Variants in PUDP observed in about 807,000 individuals in gnomAD.
PUDP encodes pseudouridine 5'-phosphatase, also known as pseudouridine-5'-phosphatase.
A neutral mutation model predicts 9.4 loss-of-function variants in PUDP; 8 were observed. That is an observed-to-expected ratio of 0.85 (90% CI 0.50 to 1.53). The LOEUF (loss-of-function observed/expected upper bound fraction) is 1.53. Ranked by LOEUF, PUDP falls within the 40% of genes most tolerant of loss-of-function variation. The pLI is 0.00. For missense variants in PUDP, 188 were observed against 189.7 expected (o/e 0.99, Z 0.05); for synonymous variants, 99 against 80.7 (o/e 1.23, Z -1.22).
At chrX:6,764,307 G>A (rs1261131226) in intron 3 of PUDP, among the ~76,000 whole-genome samples, 1 of 111,750 alleles carries the variant, frequency 8.9e-6, no homozygotes, top group Non-Finnish European at 1.9e-5. Context: ...TCAGTGCAAG[G>A]CAGCTGTTGA....
At chrX:6,820,003 CT>C (rs201080670) in intron 3 of PUDP, among the ~76,000 whole-genome samples, 76 of 100,380 alleles carry the variant, frequency 7.6e-4, no homozygotes, top group Non-Finnish European at 5.7e-4. Context: ...ATAAATTTTT[CT>C]TTTTTTTTTT....
At chrX:6,793,233 G>C (rs1447749881) in intron 3 of PUDP, among the ~76,000 whole-genome samples, 2 of 111,738 alleles carry the variant, frequency 1.8e-5, no homozygotes, top group Admixed American at 1.9e-4. Context: ...GACAAAAATC[G>C]CAATTGCTTT....
intron 3 of PUDP, among the ~76,000 whole-genome samples, chrX:7,066,978 A>G (rs1029654649): frequency 5.4e-5 from 6 of 112,034 alleles, no homozygotes; most frequent in African/African-American, 2.0e-4. Context: ...TGCCTTTAAA[A>G]GGGAAATAGT....
At chrX:6,741,196 G>A (rs1270633469) in intron 3 of PUDP, among the ~76,000 whole-genome samples, 1 of 108,741 alleles carries the variant, frequency 9.2e-6, no homozygotes, top group Non-Finnish European at 1.9e-5. Flanking sequence ...GACTGAAATT[G>A]TTTGTACCTC....
intron 3 of PUDP, among the ~76,000 whole-genome samples, chrX:6,801,273 C>A (rs1390361265): frequency 8.9e-6 from 1 of 112,182 alleles, no homozygotes; most frequent in East Asian, 2.8e-4. Flanking sequence ...GTTTAAAAAC[C>A]CACACCCCTG....
chrX:7,053,249 T>C (rs1384682597), intron 3 of PUDP, among the ~76,000 whole-genome samples: 1 of 111,330 alleles, frequency 9.0e-6, no homozygotes, highest in Non-Finnish European at 1.9e-5. Flanking sequence ...GTGAGGCTGC[T>C]TCCAAGGAGC....
At chrX:6,739,241 C>A (rs1012765963) in intron 3 of PUDP, among the ~76,000 whole-genome samples, 12 of 111,417 alleles carry the variant, frequency 1.1e-4, no homozygotes, top group African/African-American at 3.6e-4. Flanking sequence ...TTGCTGAAAT[C>A]GTGCACATGG....
intron 2 of PUDP, among the ~76,000 whole-genome samples, chrX:7,100,386 C>G (rs920834396): frequency 1.8e-5 from 2 of 111,389 alleles, no homozygotes; most frequent in Non-Finnish European, 3.8e-5. Context: ...GTTCGGCTGT[C>G]GCTCTGAAAG....
intron 3 of PUDP, among the ~76,000 whole-genome samples, chrX:6,747,431 C>T (rs144965730): frequency 0.036 from 4,089 of 112,225 alleles, 86 homozygotes; most frequent in Non-Finnish European, 0.056. Flanking sequence ...AGACATTCCT[C>T]TGTTGCTGCC....
At chrX:7,000,041 C>G (rs1265262949) in intron 1 of PUDP, among the ~76,000 whole-genome samples, 1 of 109,123 alleles carries the variant, frequency 9.2e-6, no homozygotes, top group African/African-American at 3.3e-5. Context: ...GATTAAACCT[C>G]TGTAAAGTAG....
At chrX:6,724,583 T>C (rs746485761), upstream of PUDP, among the ~76,000 whole-genome samples, 74 of 110,103 alleles carry the variant, frequency 6.7e-4, no homozygotes, top group African/African-American at 2.2e-3. Flanking sequence ...CATATGTTCA[T>C]TGCAAGGTTA....
chrX:7,118,483 T>C (rs1253036433), intron 1 of PUDP, among the ~76,000 whole-genome samples: 12 of 112,333 alleles, frequency 1.1e-4, no homozygotes, highest in African/African-American at 3.2e-4. Context: ...ACGGTATGGT[T>C]TGCTTGTTTT....
At chrX:6,865,192 G>T (rs963151395) in intron 3 of PUDP, among the ~76,000 whole-genome samples, 1 of 111,502 alleles carries the variant, frequency 9.0e-6, no homozygotes, top group South Asian at 3.8e-4. Context: ...TAGGATCAGG[G>T]TTATTATAGT....
At chrX:6,758,287 C>A (rs1226427529) in intron 3 of PUDP, among the ~76,000 whole-genome samples, 1 of 110,413 alleles carries the variant, frequency 9.1e-6, no homozygotes, top group African/African-American at 3.3e-5. Context: ...CAAGGTGATA[C>A]CCGGTCTCTA....
At chrX:6,816,788 C>T (rs1926246204) in intron 3 of PUDP, among the ~76,000 whole-genome samples, 1 of 93,395 alleles carries the variant, frequency 1.1e-5, no homozygotes, top group Non-Finnish European at 2.0e-5. Flanking sequence ...ACAGTATATA[C>T]TATATAGTAT....
chrX:6,880,094 A>T (rs1927323615), intron 3 of PUDP, among the ~76,000 whole-genome samples: 1 of 106,442 alleles, frequency 9.4e-6, no homozygotes, highest in Admixed American at 1.0e-4. Flanking sequence ...TGACAGAGGA[A>T]TCGTTAAGGT....
rs747181587 is a variant in PUDP, at chrX:6,737,971, A to G, written c.*248-31505T>C. 8.1e-5 allele frequency among the ~76,000 whole-genome samples: 9 copies of G among 111,556 alleles called. No homozygotes were observed. The South Asian group carries it at 3.5e-3, about 43-fold the overall frequency. On this transcript the variant is annotated intron_variant and NMD_transcript_variant, in intron 3 of 3. Coordinates refer to the PUDP transcript ENST00000655425. ...AGAAGGTCATGATGAGATTAATGAGAAGAGGTCATATTCTGGATATGTTTT... is the reference window on the plus strand; with the variant it reads ...AGAAGGTCATGATGAGATTAATGAGGAGAGGTCATATTCTGGATATGTTTT...
intron 3 of PUDP, among the ~76,000 whole-genome samples, chrX:6,757,320 G>A (rs1925180691): frequency 9.0e-6 from 1 of 110,680 alleles, no homozygotes; most frequent in African/African-American, 3.3e-5. Context: ...CGAGGCAGAG[G>A]AAACAGAAAT....
rs192441896 is a variant in PUDP, at chrX:7,136,555, G to A, written c.61+11498C>T. On this transcript the variant is annotated intron_variant, in intron 1 of 3. Transcript: ENST00000381077. ...CATATTTATTAACTGGCATTCTTCT[G>A]TAAAAGAGCTCACCCCCAGCCACCC... is the stretch of plus-strand genomic sequence containing the variant. 4.5e-5 allele frequency among the ~76,000 whole-genome samples: 5 copies of A among 112,267 alleles called. No homozygotes were observed. In the East Asian group the frequency reaches 1.1e-3, roughly 25 times the overall value.
Sources: allele counts gnomAD v4.1 joint callset (sites outside exome capture counted in the v4.1 genomes callset), GRCh38; gene constraint gnomAD v4.1.1; transcripts MANE v1.5; gene names NCBI Gene and HGNC (gene_info 2026-07-23, HGNC 2026-07-21).